SH3GL3: variants seen among roughly 807,000 people sequenced by gnomAD.
SH3GL3 encodes SH3 domain containing GRB2 like 3, endophilin A3, also known as endophilin-A3.
SH3GL3 carries 33 observed loss-of-function variants against 47.7 expected under a neutral mutation model. The observed-to-expected ratio is 0.69, with a 90% CI of 0.52 to 0.92. The LOEUF is 0.92. Among genes scored for constraint, SH3GL3 ranks in the 40% least tolerant of loss-of-function variants. SH3GL3 has a pLI of 0.00. For missense variants in SH3GL3, 363 were observed against 417.8 expected, an observed-to-expected ratio of 0.87 and a Z score of 1.14; for synonymous variants, 155 against 148.8, an observed-to-expected ratio of 1.04 and a Z score of -0.30.
chr15:83,535,695 C>A (rs2043872188), intron 1 of SH3GL3, among the ~76,000 whole-genome samples: 1 of 152,160 alleles, frequency 6.6e-6, no homozygotes, highest in South Asian at 2.1e-4. Flanking sequence ...TAAAAAGAAT[C>A]TTCTGAAAGA....
the SH3GL3 span, among the ~76,000 whole-genome samples, chr15:83,633,194 G>A: frequency 6.6e-6 from 1 of 152,132 alleles, no homozygotes; most frequent in African/African-American, 2.4e-5. Context: ...AGGTGATTTG[G>A]TATTACAGAA....
intron 1 of SH3GL3, among the ~76,000 whole-genome samples, chr15:83,519,743 T>C (rs1160661122): frequency 1.3e-5 from 2 of 152,216 alleles, no homozygotes; most frequent in African/African-American, 2.4e-5. Context: ...TTAATTTTAG[T>C]GTAGTCAAGT....
At chr15:83,573,317 G>A (rs1034894106) in intron 5 of SH3GL3, among the ~76,000 whole-genome samples, 1 of 152,210 alleles carries the variant, frequency 6.6e-6, no homozygotes, top group Non-Finnish European at 1.5e-5. Context: ...GGTGCCTTCA[G>A]CATGATCTCA....
intron 1 of SH3GL3, among the ~76,000 whole-genome samples, chr15:83,458,979 C>G (rs568447757): frequency 7.2e-5 from 11 of 152,334 alleles, no homozygotes; most frequent in Non-Finnish European, 1.5e-4. Flanking sequence ...GGAAGCCAGA[C>G]TGAGTCCCCA....
At chr15:83,548,700 T>A (rs969477032) in intron 1 of SH3GL3, among the ~76,000 whole-genome samples, 3 of 152,160 alleles carry the variant, frequency 2.0e-5, no homozygotes, top group Non-Finnish European at 4.4e-5. Context: ...GAATGCAATG[T>A]GTATCTTTCT....
intron 1 of SH3GL3, among the ~76,000 whole-genome samples, chr15:83,511,649 A>G (rs1463025968): frequency 6.6e-6 from 1 of 152,174 alleles, no homozygotes; most frequent in East Asian, 1.9e-4. Context: ...CTAAAAGTCT[A>G]GAAACTCCTA....
rs1425748200 is a variant in SH3GL3, at chr15:83,585,806, G to T, written c.625-1177G>T. ...TGCTGATCACAGCTTGGCACACATG[G>T]AATTCAATGTGTCTCTTACATGCAT... On this transcript the variant is annotated intron_variant, in intron 6 of 8. Coordinates refer to ENST00000427482, the MANE Select transcript of SH3GL3 (RefSeq NM_003027.5). Among the ~76,000 whole-genome samples, 3 of 152,170 alleles carry T rather than the reference G, an allele frequency of 2.0e-5. No individual in the cohort carries two copies. The East Asian group carries it at 5.8e-4, about 29-fold the overall frequency.
chr15:83,479,838 C>G (rs1232216673), intron 1 of SH3GL3, among the ~76,000 whole-genome samples: 4 of 152,150 alleles, frequency 2.6e-5, no homozygotes, highest in Non-Finnish European at 5.9e-5. Context: ...CTTGGCCACA[C>G]TACTTATTAT....
At position 83,447,592 on chromosome 15, in the gene SH3GL3, G is replaced by GAGGAGGGA. The variant is rs749155644; in HGVS notation, c.45+23_45+30dup. On this transcript the variant is annotated intron_variant, in intron 1 of 8. Coordinates refer to ENST00000427482, the MANE Select transcript of SH3GL3 (RefSeq NM_003027.5). This position sits in a 1 kb window ranked among gnomAD's most constrained non-coding sequence, Gnocchi z 5.1. ...AAAGCCAGCCAGGTAGGGAGGCGCAGAGGAGGGAAGGAGGGAGGGGGACGC... is the reference window on the plus strand; with the variant it reads ...AAAGCCAGCCAGGTAGGGAGGCGCAGAGGAGGGAAGGAGGGAAGGAGGGAGGGGGACGC... 3,873 of 1,497,070 alleles carry GAGGAGGGA rather than the reference G, an allele frequency of 2.6e-3. 11 individuals carry two copies. The highest frequency in any genetic ancestry group is 3.1e-3 in the Non-Finnish European group (3,483 of 1,119,064). The allele number at this position is 1,497,070 out of a possible 1,614,324, so 92.7% of individuals were successfully genotyped here.
chr15:83,489,220 G>T (rs908415133), intron 1 of SH3GL3: 2 of 152,168 alleles, frequency 1.3e-5, no homozygotes, highest in Non-Finnish European at 2.9e-5. Flanking sequence ...TTTGACTCTG[G>T]GAATCATGCT....
chr15:83,627,314 T>C, the SH3GL3 span, among the ~76,000 whole-genome samples: 9 of 151,256 alleles, frequency 6.0e-5, no homozygotes, highest in African/African-American at 2.2e-4. Flanking sequence ...GGAGAATGGG[T>C]TGAACCCGGG....
At chr15:83,591,439 GA>G (rs1319048208) in intron 8 of SH3GL3, among the ~76,000 whole-genome samples, 2 of 149,340 alleles carry the variant, frequency 1.3e-5, no homozygotes, top group African/African-American at 4.9e-5. Flanking sequence ...TGCACAGTGT[GA>G]ATTTTCTTCC....
chr15:83,609,589 A>G (rs904854908), intron 8 of SH3GL3: 6 of 245,026 alleles, frequency 2.4e-5, no homozygotes, highest in South Asian at 1.8e-4. Context: ...GGGTGGGGTC[A>G]TAGTTTGCCT....
chr15:83,469,663 A>G (rs1046319364), intron 1 of SH3GL3, among the ~76,000 whole-genome samples: 6 of 152,076 alleles, frequency 3.9e-5, no homozygotes, highest in African/African-American at 1.2e-4. Context: ...TTTCATTGTC[A>G]TTATAGAACA....
chr15:83,507,949 T>G lies in SH3GL3; in HGVS notation c.46-51304T>G, dbSNP rs558882102. On this transcript the variant is annotated intron_variant, in intron 1 of 8. Transcript: ENST00000427482. ...TTATTTTATTTTACTTTATTTTATTTATTGATTGATTGAGACGGAGTCTTG... is the reference window on the plus strand; with the variant it reads ...TTATTTTATTTTACTTTATTTTATTGATTGATTGATTGAGACGGAGTCTTG... Among the ~76,000 whole-genome samples the G allele has an allele frequency of 3.0e-4, 46 of 152,218 alleles. 1 individual carries two copies. In the South Asian group the frequency reaches 9.1e-3, roughly 30 times the overall value.
Position 83,447,708 on chromosome 15 carries a change from G to C in SH3GL3, c.45+130G>C, listed in dbSNP as rs1037264616. 1 of 604,714 alleles carries C rather than the reference G, an allele frequency of 1.7e-6. No homozygotes were observed. The highest frequency in any genetic ancestry group is 2.0e-5 in the African/African-American group (1 of 51,074). 37.5% of individuals were successfully genotyped at this position (604,714 alleles called of 1,614,324 possible). On this transcript the variant is annotated intron_variant, in intron 1 of 8. Coordinates refer to ENST00000427482, the MANE Select transcript of SH3GL3 (RefSeq NM_003027.5). This position sits in a 1 kb window ranked among gnomAD's most constrained non-coding sequence, Gnocchi z 5.1. ...GGGCTCAATTTCTTCCCGCCTAGGA[G>C]GGCGCGAGGGTGGGGTGAGGGGCCG... is the stretch of plus-strand genomic sequence containing the variant.
At chr15:83,617,434 T>C (rs748774546) in intron 8 of SH3GL3, among the ~76,000 whole-genome samples, 2 of 152,174 alleles carry the variant, frequency 1.3e-5, no homozygotes, top group Non-Finnish European at 2.9e-5. Flanking sequence ...CCCCACACTT[T>C]GGGAGGTTGA....
intron 3 of SH3GL3, among the ~76,000 whole-genome samples, chr15:83,566,836 A>G (rs2045570829): frequency 6.6e-6 from 1 of 152,212 alleles, no homozygotes; most frequent in Admixed American, 6.5e-5. Context: ...CACAGCTGGC[A>G]CGGGAATGTC....
At chr15:83,456,879 T>A (rs1567233388) in intron 1 of SH3GL3, among the ~76,000 whole-genome samples, 1 of 152,264 alleles carries the variant, frequency 6.6e-6, no homozygotes, top group Non-Finnish European at 1.5e-5. Context: ...ATTTTTTCTC[T>A]TGACAAGATT....
Sources: allele counts gnomAD v4.1 joint callset (sites outside exome capture counted in the v4.1 genomes callset), GRCh38; gene constraint gnomAD v4.1.1; non-coding constraint Gnocchi (gnomAD v3.1); transcripts MANE v1.5; gene names NCBI Gene and HGNC (gene_info 2026-07-23, HGNC 2026-07-21).